GRID2: variants seen among roughly 807,000 people sequenced by gnomAD.
GRID2 encodes glutamate ionotropic receptor delta type subunit 2.
A neutral mutation model predicts 114.8 loss-of-function variants in GRID2; 33 were observed. The observed-to-expected ratio is 0.29, with a 90% CI of 0.22 to 0.38. The LOEUF (loss-of-function observed/expected upper bound fraction) is 0.38, where lower values mean the gene tolerates loss of function less well. Ranked by LOEUF, GRID2 falls within the 10% of genes least tolerant of loss-of-function variation. The pLI is 1.00. For missense variants in GRID2, 1,184 were observed against 1,257.7 expected (o/e 0.94, Z 0.89); for synonymous variants, 505 against 449.9 (o/e 1.12, Z -1.55).
intron 6 of GRID2, among the ~76,000 whole-genome samples, chr4:93,222,443 A>C (rs928379907): frequency 2.6e-5 from 4 of 151,102 alleles, no homozygotes; most frequent in African/African-American, 9.7e-5. Flanking sequence ...CTACCCCAAC[A>C]ATCTTTTTTT....
intron 2 of GRID2, among the ~76,000 whole-genome samples, chr4:92,677,029 ATAT>A (rs1485593626): frequency 6.6e-6 from 1 of 152,344 alleles, no homozygotes; most frequent in African/African-American, 2.4e-5. Context: ...AGAAAGACAA[ATAT>A]TATATGTTTC....
intron 1 of GRID2, among the ~76,000 whole-genome samples, chr4:92,312,146 T>A (rs567679625): frequency 3.3e-5 from 5 of 151,918 alleles, no homozygotes; most frequent in Non-Finnish European, 7.4e-5. Flanking sequence ...TTAAGAAATA[T>A]ATTCAAAGGC....
intron 1 of GRID2, among the ~76,000 whole-genome samples, chr4:92,411,103 T>C (rs1731278496): frequency 6.6e-6 from 1 of 152,182 alleles, no homozygotes; most frequent in East Asian, 1.9e-4. Flanking sequence ...GCACAGATTC[T>C]GGCATGTGGT....
chr4:92,946,640 T>C (rs1751654737), intron 2 of GRID2, among the ~76,000 whole-genome samples: 1 of 152,092 alleles, frequency 6.6e-6, no homozygotes, highest in African/African-American at 2.4e-5. Context: ...TATCCAGCAA[T>C]GAATGCTTCT....
intron 14 of GRID2, among the ~76,000 whole-genome samples, chr4:93,644,612 G>A (rs1465048191): frequency 6.6e-6 from 1 of 152,052 alleles, no homozygotes; most frequent in Non-Finnish European, 1.5e-5. Flanking sequence ...TATTCTTGGT[G>A]CTAATCAGCA....
chr4:92,432,039 G>T (rs956938841), intron 1 of GRID2, among the ~76,000 whole-genome samples: 4 of 152,216 alleles, frequency 2.6e-5, no homozygotes, highest in African/African-American at 9.6e-5. Flanking sequence ...CAGGTGAACT[G>T]CCTGGTTTAC....
chr4:93,472,275 A>G (rs1724916169), intron 11 of GRID2, among the ~76,000 whole-genome samples: 1 of 151,946 alleles, frequency 6.6e-6, no homozygotes, highest in Admixed American at 6.6e-5. Flanking sequence ...GTGAACCAAG[A>G]TCACGCCATT....
chr4:93,220,271 A>G (rs1263944600), intron 6 of GRID2, among the ~76,000 whole-genome samples: 2 of 151,876 alleles, frequency 1.3e-5, no homozygotes, highest in Non-Finnish European at 2.9e-5. Context: ...GATTGGGAGA[A>G]TGTCATAAAT....
At chr4:93,448,156 G>T (rs1382914270) in intron 10 of GRID2, among the ~76,000 whole-genome samples, 3 of 151,686 alleles carry the variant, frequency 2.0e-5, no homozygotes, top group Non-Finnish European at 4.4e-5. Context: ...AAGGAAAAGG[G>T]GAAAGTAGGG....
intron 2 of GRID2, among the ~76,000 whole-genome samples, chr4:92,997,729 C>A (rs935168933): frequency 6.6e-6 from 1 of 152,068 alleles, no homozygotes; most frequent in Non-Finnish European, 1.5e-5. Context: ...TAATGGTTTT[C>A]AAGTAATCCT....
chr4:93,186,581 G>A (rs773250659), intron 4 of GRID2, among the ~76,000 whole-genome samples: 6 of 152,016 alleles, frequency 3.9e-5, no homozygotes, highest in Non-Finnish European at 8.8e-5. Context: ...CCACTCTAGC[G>A]AAGCAACCTT....
intron 4 of GRID2, among the ~76,000 whole-genome samples, chr4:93,177,236 CT>C (rs137906390): frequency 1.1e-4 from 16 of 150,558 alleles, no homozygotes; most frequent in East Asian, 2.0e-4. Flanking sequence ...TGAAAAAACT[CT>C]TTTTTTTTGC....
chr4:92,514,364 T>G (rs927799469), intron 1 of GRID2, among the ~76,000 whole-genome samples: 1 of 151,910 alleles, frequency 6.6e-6, no homozygotes, highest in Non-Finnish European at 1.5e-5. Flanking sequence ...GAATTTATTA[T>G]TGATAGTGTG....
At chr4:92,676,175 T>C (rs1171997486) in intron 2 of GRID2, among the ~76,000 whole-genome samples, 8 of 92,526 alleles carry the variant, frequency 8.6e-5, no homozygotes, top group African/African-American at 3.2e-4. Context: ...CCCCCCTTTT[T>C]TTTTTGTGGT....
chr4:93,572,526 C>A (rs1736023816), intron 13 of GRID2, among the ~76,000 whole-genome samples: 1 of 151,900 alleles, frequency 6.6e-6, no homozygotes, highest in Admixed American at 6.6e-5. Flanking sequence ...TTACATCTTT[C>A]CTATTTGATT....
intron 2 of GRID2, among the ~76,000 whole-genome samples, chr4:92,863,099 C>T (rs1333164975): frequency 1.3e-5 from 2 of 152,022 alleles, no homozygotes; most frequent in African/African-American, 2.4e-5. Flanking sequence ...TGGAGTTATG[C>T]GTTGTGCAGA....
intron 2 of GRID2, among the ~76,000 whole-genome samples, chr4:92,689,907 G>A (rs1333689013): frequency 6.6e-6 from 1 of 152,144 alleles, no homozygotes; most frequent in Non-Finnish European, 1.5e-5. Flanking sequence ...CGTAATTGAA[G>A]AGAGTTAGGG....
At chr4:93,683,815 G>C (rs77730072) in intron 14 of GRID2, among the ~76,000 whole-genome samples, 4,651 of 152,006 alleles carry the variant, frequency 0.031, 110 homozygotes, top group African/African-American at 0.062. Context: ...ACAACACATA[G>C]GATTGTCCCA....
intron 1 of GRID2, among the ~76,000 whole-genome samples, chr4:92,368,516 C>T (rs1728976456): frequency 6.6e-6 from 1 of 152,034 alleles, no homozygotes; most frequent in Non-Finnish European, 1.5e-5. Flanking sequence ...GTGAATCATT[C>T]ACTTTTATTT....
Sources: allele counts gnomAD v4.1 joint callset (sites outside exome capture counted in the v4.1 genomes callset), GRCh38; gene constraint gnomAD v4.1.1; transcripts MANE v1.5; gene names NCBI Gene and HGNC (gene_info 2026-07-23, HGNC 2026-07-21).